Variants in DCDC1 observed in about 807,000 individuals in gnomAD.
DCDC1 encodes the protein doublecortin domain-containing protein 1.
In DCDC1, 200 loss-of-function variants were observed where a neutral mutation model predicts 178.3. The observed-to-expected ratio is 1.12, with a 90% confidence interval of 1.00 to 1.26. DCDC1 has a LOEUF of 1.26. Ranked by LOEUF, DCDC1 falls within the 50% of genes most tolerant of loss-of-function variation. The pLI, the probability that DCDC1 is intolerant of heterozygous loss-of-function variation, is 0.00. For synonymous variants in DCDC1, 690 were observed against 604.8 expected (o/e 1.14, Z -2.07); for missense variants, 1,983 against 1,749.2 (o/e 1.13, Z -2.38).
chr11:31,140,581 G>A (rs879317135), intron 9 of DCDC1, among the ~76,000 whole-genome samples: 11 of 152,092 alleles, frequency 7.2e-5, no homozygotes, highest in Non-Finnish European at 1.3e-4. Flanking sequence ...AATACTAATG[G>A]CAACCAGAAT....
chr11:31,027,568 A>G (rs994522267), intron 20 of DCDC1, among the ~76,000 whole-genome samples: 2 of 151,836 alleles, frequency 1.3e-5, no homozygotes, highest in African/African-American at 4.8e-5. Flanking sequence ...TTTCTGATCA[A>G]TAAGAATATA....
At chr11:31,358,308 G>A (rs1564928260) in intron 1 of DCDC1, among the ~76,000 whole-genome samples, 2 of 152,112 alleles carry the variant, frequency 1.3e-5, no homozygotes, top group Admixed American at 1.3e-4. Context: ...TCTGATCTTT[G>A]ACAAACCTGA....
Position 30,916,949 on chromosome 11 carries a change from CAT to C in DCDC1, c.3371_3372del (p.His1124ArgfsTer3). The C allele has an allele frequency of 1.2e-6, 2 of 1,610,340 alleles. No individual in the cohort carries two copies. Among genetic ancestry groups the C allele is most frequent in the Non-Finnish European group, 1.7e-6 (2 of 1,178,314 alleles). On this transcript the variant is annotated frameshift_variant, in exon 26 of 39. Transcript: ENST00000684477. LOFTEE classifies it high-confidence loss of function. ...GGAAGACTGTCATCCTCATCAAAGTCATGTGAAGTTTCCTGCCAGGCATACCT... is the reference window on the plus strand; with the variant it reads ...GGAAGACTGTCATCCTCATCAAAGTCGTGAAGTTTCCTGCCAGGCATACCT... ...LPRYAWQETSHDFDEDDSLPK... is the reference protein window; with the variant it reads ...LPRYAWQETSXDFDEDDSLPK...
chr11:31,036,225 C>A (rs1380594728), intron 20 of DCDC1, among the ~76,000 whole-genome samples: 3 of 152,172 alleles, frequency 2.0e-5, no homozygotes, highest in Non-Finnish European at 4.4e-5. Flanking sequence ...CATTTGTTGA[C>A]TGTGCTTCAA....
chr11:31,184,293 T>C (rs1257737914), intron 9 of DCDC1, among the ~76,000 whole-genome samples: 4 of 152,196 alleles, frequency 2.6e-5, no homozygotes, highest in African/African-American at 9.6e-5. Flanking sequence ...TAACTCAAGA[T>C]GGATTAAAGA....
At chr11:31,116,481 A>G (rs989917446) in intron 11 of DCDC1, among the ~76,000 whole-genome samples, 1 of 152,060 alleles carries the variant, frequency 6.6e-6, no homozygotes, top group Non-Finnish European at 1.5e-5. Context: ...TTATATGTAC[A>G]CTAAATAAAA....
At chr11:31,132,519 C>A (rs968239485) in intron 10 of DCDC1, among the ~76,000 whole-genome samples, 1 of 151,598 alleles carries the variant, frequency 6.6e-6, no homozygotes, top group Admixed American at 6.6e-5. Flanking sequence ...TTCTTCAAAT[C>A]CTTTTTTTTT....
Position 30,894,305 on chromosome 11 carries a change from G to A in DCDC1, c.4845C>T (p.Gly1615=). The A allele has an allele frequency of 6.2e-7, 1 of 1,613,836 alleles. No individual in the cohort carries two copies. Among genetic ancestry groups the A allele is most frequent in the Non-Finnish European group, 8.5e-7 (1 of 1,179,812 alleles). Residue 1615 remains glycine, a synonymous_variant, in exon 35 of 39, where the codon GGC becomes GGT. Coordinates refer to ENST00000684477, the MANE Select transcript of DCDC1 (RefSeq NM_001387274.1). ...SPVQPVVVEG[G]WTEQTQQEIK... ...TTTCCTGTTGAGTCTGTTCGGTCCA[G>A]CCTCCTTCAACCACCACGGGCTGCA...
chr11:31,130,425 T>C (rs1216556830), intron 10 of DCDC1, among the ~76,000 whole-genome samples: 1 of 152,160 alleles, frequency 6.6e-6, no homozygotes, highest in African/African-American at 2.4e-5. Flanking sequence ...AGTTCTGCCA[T>C]TGCTCTCTTC....
chr11:30,990,507 A>G (rs1399682357), intron 20 of DCDC1, among the ~76,000 whole-genome samples: 2 of 152,202 alleles, frequency 1.3e-5, no homozygotes, highest in Non-Finnish European at 2.9e-5. Flanking sequence ...GCCAAAAAAT[A>G]TAAGAGACAA....
In DCDC1 at chr11:30,878,538, C is replaced by A; in HGVS notation, c.*40+6G>T. 1 of 1,559,926 alleles carries A rather than the reference C, an allele frequency of 6.4e-7. No individual in the cohort carries two copies. Among genetic ancestry groups the A allele is most frequent in the Non-Finnish European group, 8.6e-7 (1 of 1,157,452 alleles). On this transcript the variant is annotated splice_donor_region_variant and intron_variant, in intron 38 of 38. Coordinates refer to ENST00000684477, the MANE Select transcript of DCDC1 (RefSeq NM_001387274.1). ...AACAAACATGAGTATGTGCACATAG[C>A]TATACCAGAAAAATACAGCAGAAAA...
chr11:30,889,378 G>A (rs1195794417), intron 36 of DCDC1, among the ~76,000 whole-genome samples: 1 of 152,186 alleles, frequency 6.6e-6, no homozygotes, highest in Non-Finnish European at 1.5e-5. Flanking sequence ...AGTCCACATT[G>A]GATGGGATTC....
chr11:30,947,778 C>G (rs1469862880), intron 21 of DCDC1, among the ~76,000 whole-genome samples: 2 of 152,038 alleles, frequency 1.3e-5, no homozygotes, highest in Non-Finnish European at 2.9e-5. Flanking sequence ...AGTAAAGAGA[C>G]AACCCACAGA....
intron 7 of DCDC1, among the ~76,000 whole-genome samples, chr11:31,281,852 G>A (rs553414747): frequency 2.0e-5 from 3 of 152,234 alleles, no homozygotes; most frequent in African/African-American, 7.2e-5. Context: ...ATGTGAAACT[G>A]TAAGTCCAAT....
At chr11:30,874,783 A>C (rs1036538159) in intron 38 of DCDC1, among the ~76,000 whole-genome samples, 7 of 151,946 alleles carry the variant, frequency 4.6e-5, no homozygotes, top group Non-Finnish European at 1.0e-4. Flanking sequence ...CTGAGCTAAA[A>C]CCCTAATATC....
chr11:30,889,330 A>G lies in DCDC1; in HGVS notation c.5082+3488T>C, dbSNP rs1943575274. 2.6e-5 allele frequency among the ~76,000 whole-genome samples: 4 copies of G among 152,222 alleles called. 1 individual carries two copies. The South Asian group carries it at 8.3e-4, about 31-fold the overall frequency. ...TGGGTGGGAAGAACATGGCTAAATC[A>G]TCCAGAATAGCCACAGCAGTGAAAG... On this transcript the variant is annotated intron_variant, in intron 36 of 38. Coordinates refer to ENST00000684477, the MANE Select transcript of DCDC1 (RefSeq NM_001387274.1).
In DCDC1 at chr11:31,259,775, C is replaced by G. The variant is rs1944659164; in HGVS notation, c.1054+5732G>C. Among the ~76,000 whole-genome samples the G allele has an allele frequency of 2.0e-5, 3 of 152,158 alleles. No homozygotes were observed. In the South Asian group the frequency reaches 6.2e-4, roughly 32 times the overall value. ...GAAGTTAGGTCACAGGTCATAGAGC[C>G]TGGTCAACAGCTTGGGCCGTCTGGC... On this transcript the variant is annotated intron_variant, in intron 8 of 38. Transcript: ENST00000684477.
chr11:31,196,483 C>G (rs2094808), intron 9 of DCDC1, among the ~76,000 whole-genome samples: 1 of 151,990 alleles, frequency 6.6e-6, no homozygotes, highest in Non-Finnish European at 1.5e-5. Flanking sequence ...GGCTACAAAC[C>G]TAGGGTTCCC....
intron 20 of DCDC1, among the ~76,000 whole-genome samples, chr11:30,976,276 T>C (rs1321092005): frequency 1.3e-5 from 2 of 151,954 alleles, no homozygotes; most frequent in African/African-American, 4.8e-5. Context: ...GTTCTGTCTA[T>C]GGATATTATG....
Sources: gnomAD v4.1 joint callset for allele counts (sites outside exome capture counted in the v4.1 genomes callset) on GRCh38, gnomAD v4.1.1 for gene constraint, MANE v1.5 for transcripts, NCBI Gene and HGNC (gene_info 2026-07-23, HGNC 2026-07-21) for gene names.